GML: variants seen among roughly 807,000 people sequenced by gnomAD.
The protein encoded by GML is glycosylphosphatidylinositol anchored molecule like.
A neutral mutation model predicts 8.2 loss-of-function variants in GML; 5 were observed. The observed-to-expected ratio is 0.61, with a 90% CI of 0.32 to 1.28. The LOEUF is 1.28. Ranked by LOEUF, GML falls within the 50% of genes most tolerant of loss-of-function variation. The pLI is 0.06. For synonymous variants in GML, 72 were observed against 69.0 expected, an observed-to-expected ratio of 1.04 and a Z score of -0.22; for missense variants, 191 against 198.3, an observed-to-expected ratio of 0.96 and a Z score of 0.22.
At position 142,846,444 on chromosome 8, in the gene GML, C is replaced by T; in HGVS notation, c.231C>T (p.Cys77=). ...LLVYKNCTNN[C]TFVYAAEQPP... ...TTTATAAGAACTGTACAAACAACTG[C>T]ACATTTGTATATGCAGCTGAACAGC... Residue 77 remains cysteine, a synonymous_variant, in exon 4 of 4, where the codon TGC becomes TGT. Transcript: ENST00000220940. 3.7e-6 allele frequency: 6 copies of T among 1,611,928 alleles called. No individual in the cohort carries two copies. The highest frequency in any genetic ancestry group is 1.1e-5 in the South Asian group (1 of 91,034).
intron 2 of GML, among the ~76,000 whole-genome samples, chr8:142,840,863 C>T (rs150648557): frequency 2.0e-5 from 3 of 152,298 alleles, no homozygotes; most frequent in South Asian, 2.1e-4. Flanking sequence ...ATAGCAATCC[C>T]GTATGTGACC....
At chr8:142,845,607 C>T (rs144788521) in intron 3 of GML, among the ~76,000 whole-genome samples, 1 of 152,158 alleles carries the variant, frequency 6.6e-6, no homozygotes, top group East Asian at 1.9e-4. Flanking sequence ...TCAAGGGGAA[C>T]AGAAGTAGTG....
rs1816509812 is a variant in GML, at chr8:142,846,787, C to T, written c.*97C>T. 4 of 870,902 alleles carry T rather than the reference C, an allele frequency of 4.6e-6. No individual in the cohort carries two copies. The South Asian group carries it at 5.0e-5, about 11-fold the overall frequency. 53.9% of individuals were successfully genotyped at this position (870,902 alleles called of 1,614,324 possible). A position where few individuals can be genotyped will look rare whatever the true frequency, so the allele number is the denominator to read the frequency against. ...CTAAGCCAGAGACCCTTATCCACTG[C>T]TCCTCTAGGTGGCCCATTTATGGTT... On this transcript the variant is annotated 3_prime_UTR_variant, in exon 4 of 4. Coordinates refer to ENST00000220940, the MANE Select transcript of GML (RefSeq NM_002066.3).
chr8:142,836,114 CTAGCAAAT>C (rs1312262021), intron 1 of GML, among the ~76,000 whole-genome samples: 1 of 152,166 alleles, frequency 6.6e-6, no homozygotes, highest in Non-Finnish European at 1.5e-5. Flanking sequence ...GTAAGCTGTT[CTAGCAAAT>C]TATCTAGGAG....
At chr8:142,841,890 C>G (rs1816439909) in intron 3 of GML, among the ~76,000 whole-genome samples, 1 of 152,156 alleles carries the variant, frequency 6.6e-6, no homozygotes, top group South Asian at 2.1e-4. Flanking sequence ...TTCCTGTAGC[C>G]CTTTTGTCCC....
At position 142,846,610 on chromosome 8, in the gene GML, C is replaced by T; in HGVS notation, c.397C>T (p.Pro133Ser). The change falls in exon 4 of 4, where the codon CCA (proline) becomes TCA (serine). Residue 133 changes from proline (P) to serine (S), a missense_variant. Transcript: ENST00000220940. ...CGATGAAGTAACTGAGGAGGAGCTT[C>T]CAGAAGGAACTGTGAGGCTGGGGGT... Reference protein sequence around the residue: ...LPDEVTEEELPEGTVRLGVSK... With the variant: ...LPDEVTEEELSEGTVRLGVSK... The T allele has an allele frequency of 6.2e-7, 1 of 1,613,926 alleles. No homozygotes were observed. The highest frequency in any genetic ancestry group is 1.3e-5 in the African/African-American group (1 of 75,008).
Position 142,840,448 on chromosome 8 carries a change from T to G in GML, c.11T>G (p.Phe4Cys), listed in dbSNP as rs1222774609. 1 of 1,613,374 alleles carries G rather than the reference T, an allele frequency of 6.2e-7. No homozygotes were observed. Among genetic ancestry groups the G allele is most frequent in the East Asian group, 2.2e-5 (1 of 44,890 alleles). The change falls in exon 2 of 4, where the codon TTT (phenylalanine) becomes TGT (cysteine). Residue 4 changes from phenylalanine (F) to cysteine (C), a missense_variant. Physicochemically the swap from Phe to Cys is radical, Grantham distance 205. Coordinates refer to ENST00000220940, the MANE Select transcript of GML (RefSeq NM_002066.3). MLLFALLLAMELPL... is the reference protein window; with the variant it reads MLLCALLLAMELPL... ...CTCCTGCGTGAAGTGATGCTCCTCTTTGCCTTACTCCTAGCCATGGAGCTC... is the reference window on the plus strand; with the variant it reads ...CTCCTGCGTGAAGTGATGCTCCTCTGTGCCTTACTCCTAGCCATGGAGCTC...
At chr8:142,842,780 C>G (rs1054868634) in intron 3 of GML, among the ~76,000 whole-genome samples, 1 of 152,208 alleles carries the variant, frequency 6.6e-6, no homozygotes, top group African/African-American at 2.4e-5. Flanking sequence ...GCAAGAGACT[C>G]CTCTGCACAG....
chr8:142,846,527 G>A lies in GML; in HGVS notation c.314G>A (p.Cys105Tyr). Reference sequence around the variant, plus strand: ...AATAGCTTCTACTGGGTTTGTTGTTGTAATAGCATGGTTTGCAATGCAGGA... The same window carrying A: ...AATAGCTTCTACTGGGTTTGTTGTTATAATAGCATGGTTTGCAATGCAGGA... ...KTNSFYWVCC[C>Y]NSMVCNAGGP... The change falls in exon 4 of 4, where the codon TGT (cysteine) becomes TAT (tyrosine). Residue 105 changes from cysteine to tyrosine, a missense_variant. Cys to Tyr is a radical substitution (Grantham distance 194, BLOSUM62 -2). Coordinates refer to ENST00000220940, the MANE Select transcript of GML (RefSeq NM_002066.3). The A allele has an allele frequency of 6.2e-7, 1 of 1,614,122 alleles. No individual in the cohort carries two copies. Among genetic ancestry groups the A allele is most frequent in the Non-Finnish European group, 8.5e-7 (1 of 1,179,962 alleles).
At chr8:142,840,898 C>T (rs980790871) in intron 2 of GML, among the ~76,000 whole-genome samples, 5 of 152,168 alleles carry the variant, frequency 3.3e-5, no homozygotes, top group Non-Finnish European at 7.4e-5. Context: ...CTGGAGCCTG[C>T]GTTGGAGAGC....
At chr8:142,843,078 T>C (rs1246101658) in intron 3 of GML, among the ~76,000 whole-genome samples, 3 of 152,150 alleles carry the variant, frequency 2.0e-5, no homozygotes, top group Non-Finnish European at 2.9e-5. Context: ...ACATTTTTCC[T>C]TTCAGGAGAT....
intron 3 of GML, among the ~76,000 whole-genome samples, chr8:142,845,730 TTGATCACATTAGTCG>T (rs1436721179): frequency 4.6e-5 from 7 of 152,214 alleles, no homozygotes; most frequent in Non-Finnish European, 7.3e-5. Flanking sequence ...GTGAAGATTA[TTGATCACATTAGTCG>T]TGATCACATT....
chr8:142,839,980 C>T (rs1019120465), intron 1 of GML, among the ~76,000 whole-genome samples: 14 of 151,390 alleles, frequency 9.2e-5, no homozygotes, highest in African/African-American at 3.4e-4. Flanking sequence ...CCTTGGCCCT[C>T]GTGTTGCTGA....
At chr8:142,844,193 C>T (rs7826809) in intron 3 of GML, among the ~76,000 whole-genome samples, 73,103 of 152,034 alleles carry the variant, frequency 0.48, 18,483 homozygotes, top group East Asian at 0.85. Flanking sequence ...TTCTTGATCT[C>T]TGACAAAGTT....
intron 3 of GML, among the ~76,000 whole-genome samples, chr8:142,845,518 C>A (rs1816492726): frequency 6.6e-6 from 1 of 152,198 alleles, no homozygotes. Flanking sequence ...ATAGAGGAGA[C>A]AAGACCCAGA....
intron 1 of GML, among the ~76,000 whole-genome samples, chr8:142,836,969 G>A (rs1020132846): frequency 1.3e-5 from 2 of 152,134 alleles, no homozygotes; most frequent in East Asian, 1.9e-4. Context: ...GGGGGTAGAC[G>A]GGCTGGCATT....
At chr8:142,843,255 T>TACACACACACACACACACACACACAC (rs55778635) in intron 3 of GML, among the ~76,000 whole-genome samples, 6 of 140,000 alleles carry the variant, frequency 4.3e-5, no homozygotes, top group East Asian at 2.4e-4. Context: ...AAAAGGTTCA[T>TACACACACACACACACACACACACAC]ACACACACAC....
rs778734434 is a variant in GML, at chr8:142,846,458, C to G, written c.245C>G (p.Ala82Gly). The G allele has an allele frequency of 1.2e-6, 2 of 1,612,022 alleles. No individual in the cohort carries two copies. The highest frequency in any genetic ancestry group is 1.7e-5 in the Admixed American group (1 of 60,026). ...NCTNNCTFVY[A>G]AEQPPEAPGK... ...ACAAACAACTGCACATTTGTATATG[C>G]AGCTGAACAGCCTCCTGAAGCCCCA... The change falls in exon 4 of 4, where the codon GCA becomes GGA. Residue 82 changes from alanine to glycine, a missense_variant. Physicochemically the swap from Ala to Gly is moderately conservative, Grantham distance 60. Transcript: ENST00000220940.
At chr8:142,843,644 A>G (rs972434489) in intron 3 of GML, among the ~76,000 whole-genome samples, 2 of 152,252 alleles carry the variant, frequency 1.3e-5, no homozygotes, top group African/African-American at 4.8e-5. Flanking sequence ...TGGATACAAG[A>G]TAAGTATTCA....
Sources: allele counts gnomAD v4.1 joint callset (sites outside exome capture counted in the v4.1 genomes callset), GRCh38; gene constraint gnomAD v4.1.1; transcripts MANE v1.5; gene names NCBI Gene and HGNC (gene_info 2026-07-23, HGNC 2026-07-21).